The following FNDC1 variants were observed in gnomAD, a reference collection of about 807,000 sequenced individuals.
FNDC1 encodes fibronectin type III domain containing 1.
Under a neutral mutation model 168.0 loss-of-function variants are expected in FNDC1, and 96 were observed. That is an observed-to-expected ratio of 0.57 (90% confidence interval 0.48 to 0.68). FNDC1 has a LOEUF of 0.68. Ranked by LOEUF, FNDC1 falls within the 30% of genes least tolerant of loss-of-function variation. The probability of loss-of-function intolerance (pLI) is 0.00; values close to 1 mark genes in which losing one functional copy is unlikely to be tolerated. For synonymous variants in FNDC1, 1,099 were observed against 1,025.9 expected, an observed-to-expected ratio of 1.07 and a Z score of -1.36; for missense variants, 2,587 against 2,482.1, an observed-to-expected ratio of 1.04 and a Z score of -0.90.
chr6:159,244,770 A>G (rs1783503634), intron 14 of FNDC1, among the ~76,000 whole-genome samples: 1 of 152,224 alleles, frequency 6.6e-6, no homozygotes, highest in Admixed American at 6.5e-5. Flanking sequence ...CTTTGGAGCC[A>G]GAGTACCTGA....
chr6:159,225,210 C>T (rs1459240252), intron 7 of FNDC1, among the ~76,000 whole-genome samples: 1 of 152,128 alleles, frequency 6.6e-6, no homozygotes, highest in South Asian at 2.1e-4. Flanking sequence ...GTCACACACA[C>T]ACAAACACAT....
chr6:159,197,484 C>G lies in FNDC1; in HGVS notation c.163C>G (p.Leu55Val), dbSNP rs371275127. 1 of 1,613,748 alleles carries G rather than the reference C, an allele frequency of 6.2e-7. No homozygotes were observed. The highest frequency in any genetic ancestry group is 8.5e-7 in the Non-Finnish European group (1 of 1,179,838). ...HVKLLSTKMG[L>V]KVTWDPPKDA... ...GAAACTGCTGTCCACTAAAATGGGC[C>G]TGAAAGTCACGTGGGACCCACCCAA... The change falls in exon 2 of 23, where the codon CTG becomes GTG. Residue 55 changes from leucine (L) to valine (V), a missense_variant. Physicochemically the swap from Leu to Val is conservative, Grantham distance 32 (BLOSUM62 1). Transcript: ENST00000297267.
intron 14 of FNDC1, among the ~76,000 whole-genome samples, chr6:159,242,977 C>T (rs915366233): frequency 4.6e-5 from 7 of 152,146 alleles, no homozygotes; most frequent in African/African-American, 1.7e-4. Flanking sequence ...AATAATGCTG[C>T]CTTGAACATT....
At chr6:159,235,132 G>A (rs1783218892) in intron 11 of FNDC1, among the ~76,000 whole-genome samples, 1 of 152,218 alleles carries the variant, frequency 6.6e-6, no homozygotes. Context: ...TCACAAAGAG[G>A]AGTTACAGGC....
chr6:159,234,126 C>A lies in FNDC1; in HGVS notation c.3614C>A (p.Ser1205Tyr). The A allele has an allele frequency of 6.2e-7, 1 of 1,604,086 alleles. No homozygotes were observed. Among genetic ancestry groups the A allele is most frequent in the Non-Finnish European group, 8.5e-7 (1 of 1,175,090 alleles). ...LLSSSVPKWP[S>Y]SSTPRGGKDA... ...TCTTCCTCTGTGCCAAAGTGGCCCT[C>A]TTCCTCCACTCCCAGGGGCGGCAAA... Residue 1205 changes from serine (S) to tyrosine (Y), a missense_variant, in exon 11 of 23, where the codon TCT (serine) becomes TAT (tyrosine). Physicochemically the swap from Ser to Tyr is moderately radical, Grantham distance 144. Transcript: ENST00000297267.
At chr6:159,204,019 T>C (rs1782431606) in intron 4 of FNDC1, among the ~76,000 whole-genome samples, 1 of 152,256 alleles carries the variant, frequency 6.6e-6, no homozygotes, top group African/African-American at 2.4e-5. Context: ...GAGCCTAAAC[T>C]AGGCCTAGTA....
Position 159,169,772 on chromosome 6 carries a change from G to A in FNDC1, c.109+67G>A, listed in dbSNP as rs1012892943. The stretch of plus-strand genomic sequence containing the variant: ...GCGCACCCTCCTGCGCTCGGGCCCC[G>A]TCGTCCCGCTCAGTGCTGGCTACGG... On this transcript the variant is annotated intron_variant, in intron 1 of 22. Transcript: ENST00000297267. The surrounding 1 kb of genome is among the most constrained non-coding windows in gnomAD (Gnocchi z 6.8). The A allele has an allele frequency of 1.0e-4, 60 of 602,498 alleles. No individual in the cohort carries two copies. The highest frequency in any genetic ancestry group is 6.0e-4 in the Middle Eastern group (1 of 1,668). 37.3% of individuals were successfully genotyped at this position (602,498 alleles called of 1,614,324 possible).
At chr6:159,203,880 T>C (rs1029520533) in intron 4 of FNDC1, among the ~76,000 whole-genome samples, 3 of 152,200 alleles carry the variant, frequency 2.0e-5, no homozygotes, top group African/African-American at 7.2e-5. Context: ...AGTCAGCTTT[T>C]GTCAAACTCT....
intron 1 of FNDC1, among the ~76,000 whole-genome samples, chr6:159,177,275 A>G (rs762013407): frequency 6.6e-6 from 1 of 152,146 alleles, no homozygotes; most frequent in East Asian, 1.9e-4. Flanking sequence ...AGCATGTGCC[A>G]CTCTTGAAGA....
In FNDC1 at chr6:159,239,910, A is replaced by T; in HGVS notation, c.4574A>T (p.Asn1525Ile). 1.3e-6 allele frequency: 2 copies of T among 1,522,398 alleles called. No homozygotes were observed. The highest frequency in any genetic ancestry group is 1.8e-6 in the Non-Finnish European group (2 of 1,130,674). The allele number at this position is 1,522,398 out of a possible 1,614,324, so 94.3% of individuals were successfully genotyped here. The change falls in exon 14 of 23, where the codon AAC (asparagine) becomes ATC (isoleucine). Residue 1525 changes from asparagine to isoleucine, a missense_variant. Coordinates refer to ENST00000297267, the MANE Select transcript of FNDC1 (RefSeq NM_032532.3). ...GTLERHDDDG[N>I]LIMSSNGIPE... ...TTGGAACGGCACGACGATGATGGCAACCTGATAATGAGCTCCAATGGGATC... is the reference window on the plus strand; with the variant it reads ...TTGGAACGGCACGACGATGATGGCATCCTGATAATGAGCTCCAATGGGATC...
chr6:159,230,437 T>C (rs1430878919), intron 10 of FNDC1, among the ~76,000 whole-genome samples: 1 of 152,198 alleles, frequency 6.6e-6, no homozygotes, highest in African/African-American at 2.4e-5. Flanking sequence ...CTGGGTACAA[T>C]ATTCACTGGC....
chr6:159,195,493 C>T (rs929700121), intron 1 of FNDC1, among the ~76,000 whole-genome samples: 4 of 152,008 alleles, frequency 2.6e-5, no homozygotes, highest in South Asian at 2.1e-4. Context: ...ATATGGTCAT[C>T]GATCATTGAT....
At chr6:159,201,019 T>G (rs1782367738) in intron 4 of FNDC1, among the ~76,000 whole-genome samples, 1 of 152,274 alleles carries the variant, frequency 6.6e-6, no homozygotes, top group South Asian at 2.1e-4. Flanking sequence ...TGTGATATGT[T>G]AGACGACCTA....
rs547492676 is a variant in FNDC1, at chr6:159,234,048, A to G, written c.3536A>G (p.Asp1179Gly). 2.0e-5 allele frequency: 19 copies of G among 931,184 alleles called. No homozygotes were observed. The Admixed American group carries it at 3.1e-4, about 15-fold the overall frequency. 57.7% of individuals were successfully genotyped at this position (931,184 alleles called of 1,614,324 possible). A position where few individuals can be genotyped will look rare whatever the true frequency, so the allele number is the denominator to read the frequency against. ...TCCCAGCAGTCGGTCTCAGCCGAGG[A>G]CGACGAGGAGGAGGACGCGGGATTT... ...SKSQQSVSAE[D>G]DEEEDAGFFK... is the part of the protein sequence containing the mutation. The change falls in exon 11 of 23, where the codon GAC becomes GGC. Residue 1179 changes from aspartate (D) to glycine (G), a missense_variant. Asp to Gly is a moderately conservative substitution (Grantham distance 94). Transcript: ENST00000297267.
intron 19 of FNDC1, among the ~76,000 whole-genome samples, chr6:159,263,282 C>T (rs1267033895): frequency 6.6e-6 from 1 of 152,162 alleles, no homozygotes; most frequent in Non-Finnish European, 1.5e-5. Flanking sequence ...GTACAAAGCA[C>T]AGCCTAGGGA....
chr6:159,242,505 A>C (rs1783446169), intron 14 of FNDC1, among the ~76,000 whole-genome samples: 1 of 152,270 alleles, frequency 6.6e-6, no homozygotes, highest in Non-Finnish European at 1.5e-5. Flanking sequence ...AAAATTAAAA[A>C]AAGAAATTAA....
In FNDC1 at chr6:159,169,711, C is replaced by A. The variant is rs1297993426; in HGVS notation, c.109+6C>A. 1 of 1,124,942 alleles carries A rather than the reference C, an allele frequency of 8.9e-7. No individual in the cohort carries two copies. The highest frequency in any genetic ancestry group is 4.4e-5 in the South Asian group (1 of 22,900). The allele number at this position is 1,124,942 out of a possible 1,614,324, so 69.7% of individuals were successfully genotyped here. On this transcript the variant is annotated splice_donor_region_variant and intron_variant, in intron 1 of 22. Coordinates refer to ENST00000297267, the MANE Select transcript of FNDC1 (RefSeq NM_032532.3). This position sits in a 1 kb window ranked among gnomAD's most constrained non-coding sequence, Gnocchi z 6.8. Reference sequence around the variant, plus strand: ...CTCCTCGGCGGCGGCCTCAGGTACGCGCCGCGCCCGGGCCCCCGGCGCTCC... The same window carrying A: ...CTCCTCGGCGGCGGCCTCAGGTACGAGCCGCGCCCGGGCCCCCGGCGCTCC...
intron 1 of FNDC1, among the ~76,000 whole-genome samples, chr6:159,193,779 T>G (rs1212541915): frequency 6.6e-6 from 1 of 152,246 alleles, no homozygotes; most frequent in Non-Finnish European, 1.5e-5. Flanking sequence ...CTTTGGGCCC[T>G]CTTGGATAAG....
chr6:159,215,968 C>T (rs557327389), intron 5 of FNDC1, among the ~76,000 whole-genome samples: 1 of 148,212 alleles, frequency 6.7e-6, no homozygotes, highest in Non-Finnish European at 1.5e-5. Flanking sequence ...TACATTGTAT[C>T]TTTTTTTTTT....
Sources: gnomAD v4.1 joint callset for allele counts (sites outside exome capture counted in the v4.1 genomes callset) on GRCh38, gnomAD v4.1.1 for gene constraint, Gnocchi (gnomAD v3.1) non-coding constraint, MANE v1.5 for transcripts, NCBI Gene and HGNC (gene_info 2026-07-23, HGNC 2026-07-21) for gene names.